The following NUP153 variants were observed in gnomAD, a reference collection of about 807,000 sequenced individuals.
NUP153 encodes the protein nuclear pore complex protein Nup153.
Under a neutral mutation model 134.6 loss-of-function variants are expected in NUP153, and 27 were observed. That is an observed-to-expected ratio of 0.20 (90% CI 0.15 to 0.28). The LOEUF is 0.28. Ranked by LOEUF, NUP153 falls within the 10% of genes least tolerant of loss-of-function variation. NUP153 has a pLI of 1.00. For synonymous variants in NUP153, 640 were observed against 623.5 expected, an observed-to-expected ratio of 1.03 and a Z score of -0.40; for missense variants, 1,821 against 1,731.3, an observed-to-expected ratio of 1.05 and a Z score of -0.92.
In NUP153 at chr6:17,646,108, G is replaced by T; in HGVS notation, c.1679C>A (p.Ser560Tyr). The T allele has an allele frequency of 6.2e-7, 1 of 1,603,046 alleles. No individual in the cohort carries two copies. Among genetic ancestry groups the T allele is most frequent in the South Asian group, 1.1e-5 (1 of 90,732 alleles). ...TGGTTCTAAAGTACTACTAGAACCA[G>T]AAAGTTCTGCTGTTTTTGCAACAGG... The part of the protein sequence containing the change: ...SVPVAKTAEL[S>Y]GSSSTLEPII... The change falls in exon 14 of 22, where the codon TCT (serine) becomes TAT (tyrosine). Residue 560 changes from serine to tyrosine, a missense_variant. Physicochemically the swap from Ser to Tyr is moderately radical, Grantham distance 144. Transcript: ENST00000262077.
At chr6:17,695,214 T>C (rs1269340486) in intron 1 of NUP153, among the ~76,000 whole-genome samples, 2 of 152,214 alleles carry the variant, frequency 1.3e-5, no homozygotes, top group Non-Finnish European at 2.9e-5. Flanking sequence ...GTAGTTTATA[T>C]ATCTAGTCAC....
chr6:17,623,810 A>G (rs1764775398), intron 20 of NUP153, among the ~76,000 whole-genome samples: 1 of 152,204 alleles, frequency 6.6e-6, no homozygotes, highest in African/African-American at 2.4e-5. Context: ...AGGCAAAACT[A>G]CATTTTCTAG....
Position 17,638,501 on chromosome 6 carries a change from T to G in NUP153, c.1847-731A>C, listed in dbSNP as rs1765677785. 6.6e-6 allele frequency among the ~76,000 whole-genome samples: 1 copy of G among 152,208 alleles called. No homozygotes were observed. Among genetic ancestry groups the G allele is most frequent in the South Asian group, 2.1e-4 (1 of 4,834 alleles). On this transcript the variant is annotated intron_variant, in intron 15 of 21. Transcript: ENST00000262077. This position sits in a 1 kb window ranked among gnomAD's most constrained non-coding sequence, Gnocchi z 4.0. ...ACAAAATAATCCAGCCTAGAGCTAT[T>G]TTTAGCTTAAGGACAAAATACCACA...
intron 2 of NUP153, among the ~76,000 whole-genome samples, chr6:17,682,949 C>T (rs894846381): frequency 1.4e-5 from 2 of 145,094 alleles, no homozygotes; most frequent in African/African-American, 5.0e-5. Flanking sequence ...AAAACACTTT[C>T]TTTGCGCATC....
chr6:17,703,063 T>C (rs1311884501), intron 1 of NUP153, among the ~76,000 whole-genome samples: 1 of 151,304 alleles, frequency 6.6e-6, no homozygotes, highest in African/African-American at 2.4e-5. Flanking sequence ...CCGGGCGTGG[T>C]GGCGCATGCC....
chr6:17,624,229 C>T (rs1764800450), intron 20 of NUP153, among the ~76,000 whole-genome samples: 1 of 152,116 alleles, frequency 6.6e-6, no homozygotes, highest in Non-Finnish European at 1.5e-5. Context: ...TAACGCAAAT[C>T]CAATCATAAA....
rs776637790 is a variant in NUP153 at position 17,624,807 on chromosome 6, G to T, written c.3928C>A (p.Pro1310Thr). The T allele has an allele frequency of 8.1e-6, 13 of 1,610,626 alleles. No individual in the cohort carries two copies. In the South Asian group the frequency reaches 1.3e-4, roughly 16 times the overall value. The part of the protein sequence containing the change: ...AGSSFVFGTG[P>T]SAPSASPAFG... ...GCTGGACTGGCAGATGGTGCTGAGG[G>T]TCCAGTTCCAAATACAAAGGAGGAT... Residue 1310 changes from proline (P) to threonine (T), a missense_variant, in exon 20 of 22, where the codon CCC becomes ACC. Pro to Thr is a conservative substitution (Grantham distance 38). Transcript: ENST00000262077.
At chr6:17,627,631 G>A (rs1172704677) in intron 18 of NUP153, among the ~76,000 whole-genome samples, 3 of 152,134 alleles carry the variant, frequency 2.0e-5, no homozygotes, top group African/African-American at 7.2e-5. Flanking sequence ...GACTAGTTGG[G>A]ATTATAGGTG....
At chr6:17,616,386 T>C (rs550655614) in intron 21 of NUP153, 141 bp downstream of exon 21, 10 of 842,158 alleles carry the variant, frequency 1.2e-5, no homozygotes, top group East Asian at 8.0e-5. Flanking sequence ...TCCAGAATTA[T>C]AGTATGGTAA....
In NUP153 at chr6:17,688,437, T is replaced by A. The variant is rs750408694; in HGVS notation, c.293A>T (p.Asp98Val). The change falls in exon 2 of 22, where the codon GAT (aspartate) becomes GTT (valine). Residue 98 changes from aspartate to valine, a missense_variant. Physicochemically the swap from Asp to Val is radical, Grantham distance 152 (BLOSUM62 -3). Coordinates refer to ENST00000262077, the MANE Select transcript of NUP153 (RefSeq NM_005124.4). ...YADEESSNIT[D>V]GRITPEPAVS... is the part of the protein sequence containing the mutation. ...TGCTGGCTCAGGTGTGATTCTCCCA[T>A]CAGTAATATTAGAGCTCTCCTCATC... is the stretch of plus-strand genomic sequence containing the variant. The A allele has an allele frequency of 3.3e-5, 54 of 1,614,020 alleles. No individual in the cohort carries two copies. Among genetic ancestry groups the A allele is most frequent in the Non-Finnish European group, 4.3e-5 (51 of 1,179,992 alleles).
intron 5 of NUP153, among the ~76,000 whole-genome samples, chr6:17,672,325 C>A (rs960444251): frequency 1.3e-5 from 2 of 152,174 alleles, no homozygotes; most frequent in African/African-American, 4.8e-5. Flanking sequence ...TGCTTGTAAT[C>A]CGAACACTTT....
Position 17,689,539 on chromosome 6 carries a change from CTTTT to C in NUP153, c.112-925_112-922del, listed in dbSNP as rs200562896. ...GTGATTAATTTTATTACGGTAACTTCTTTTTTTTTTTTTTGAGACGGAGTTTCAC... is the reference window on the plus strand; with the variant it reads ...GTGATTAATTTTATTACGGTAACTTCTTTTTTTTTTGAGACGGAGTTTCAC... On this transcript the variant is annotated intron_variant, in intron 1 of 21. Transcript: ENST00000262077. 2.8e-5 allele frequency among the ~76,000 whole-genome samples: 4 copies of C among 143,754 alleles called. 1 individual carries two copies. The East Asian group carries it at 6.1e-4, about 22-fold the overall frequency. 94.3% of individuals were successfully genotyped at this position (143,754 alleles called of 152,430 possible).
intron 11 of NUP153, among the ~76,000 whole-genome samples, chr6:17,654,043 T>C (rs149646574): frequency 6.6e-6 from 1 of 152,294 alleles, no homozygotes; most frequent in East Asian, 1.9e-4. Flanking sequence ...TCTTTTTTGA[T>C]AAAGCAAATG....
chr6:17,642,649 C>T (rs927980293), intron 14 of NUP153, among the ~76,000 whole-genome samples: 1 of 152,164 alleles, frequency 6.6e-6, no homozygotes, highest in Admixed American at 6.5e-5. Context: ...AAGTTTAATA[C>T]AGAACTACCA....
At chr6:17,696,494 G>A (rs899800676) in intron 1 of NUP153, among the ~76,000 whole-genome samples, 3 of 152,150 alleles carry the variant, frequency 2.0e-5, no homozygotes, top group Non-Finnish European at 4.4e-5. Context: ...GGTGGCTCAC[G>A]CCTGTAATCC....
chr6:17,618,556 A>ATC (rs377258919), intron 20 of NUP153, among the ~76,000 whole-genome samples: 1 of 84,650 alleles, frequency 1.2e-5, no homozygotes, highest in African/African-American at 3.8e-5. Context: ...GGAAGTTAAA[A>ATC]TCTCTCTTTT....
At position 17,638,583 on chromosome 6, in the gene NUP153, A is replaced by G. The variant is rs1168135566; in HGVS notation, c.1847-813T>C. Among the ~76,000 whole-genome samples the G allele has an allele frequency of 2.6e-5, 4 of 152,222 alleles. No homozygotes were observed. The highest frequency in any genetic ancestry group is 7.2e-5 in the African/African-American group (3 of 41,450). On this transcript the variant is annotated intron_variant, in intron 15 of 21. Transcript: ENST00000262077. The surrounding 1 kb of genome is among the most constrained non-coding windows in gnomAD (Gnocchi z 4.0). The stretch of plus-strand genomic sequence containing the variant: ...ATTTTGCTTATGATTAATTTAAATC[A>G]CTAAGATTGGCAAGATATTAACAGT...
intron 8 of NUP153, among the ~76,000 whole-genome samples, chr6:17,667,486 G>A (rs1032016153): frequency 7.2e-5 from 11 of 152,124 alleles, no homozygotes; most frequent in Admixed American, 2.0e-4. Context: ...AGGCCGAGGC[G>A]GGCGGATCAC....
chr6:17,703,842 A>G (rs773919079), intron 1 of NUP153, among the ~76,000 whole-genome samples: 2 of 152,206 alleles, frequency 1.3e-5, no homozygotes, highest in African/African-American at 4.8e-5. Context: ...AAGCAAAAGT[A>G]TTTTAGATAA....
Sources: gnomAD v4.1 joint callset for allele counts (sites outside exome capture counted in the v4.1 genomes callset) on GRCh38, gnomAD v4.1.1 for gene constraint, Gnocchi (gnomAD v3.1) non-coding constraint, MANE v1.5 for transcripts, NCBI Gene and HGNC (gene_info 2026-07-23, HGNC 2026-07-21) for gene names.